Variants in OGFOD3 observed in about 807,000 individuals in gnomAD.
The protein encoded by OGFOD3 is 2-oxoglutarate and iron-dependent oxygenase domain-containing protein 3.
A neutral mutation model predicts 39.8 loss-of-function variants in OGFOD3; 35 were observed. The ratio of observed to expected loss-of-function variants is 0.88; its 90% CI spans 0.67 to 1.17. The LOEUF (loss-of-function observed/expected upper bound fraction) is 1.17, where lower values mean the gene tolerates loss of function less well. OGFOD3 is among the 50% of genes most tolerant of loss of function. The pLI is 0.00. For missense variants in OGFOD3, 438 were observed against 454.5 expected (o/e 0.96, Z 0.33); for synonymous variants, 200 against 192.0 (o/e 1.04, Z -0.34).
In OGFOD3 at chr17:82,404,510, G is replaced by A. The variant is rs891683851; in HGVS notation, c.546-420C>T. 1.3e-5 allele frequency among the ~76,000 whole-genome samples: 2 copies of A among 152,018 alleles called. No homozygotes were observed. The highest frequency in any genetic ancestry group is 2.1e-4 in the South Asian group (1 of 4,834). Reference sequence around the variant, plus strand: ...ACGTGGGGAGAGGGGAGTGGGTGTCGAGCCTGCTAAGTGTGGATGGGGTGT... The same window carrying A: ...ACGTGGGGAGAGGGGAGTGGGTGTCAAGCCTGCTAAGTGTGGATGGGGTGT... On this transcript the variant is annotated intron_variant, in intron 6 of 8. Coordinates refer to ENST00000313056, the MANE Select transcript of OGFOD3 (RefSeq NM_024648.3). The surrounding 1 kb of genome is among the most constrained non-coding windows in gnomAD (Gnocchi z 4.5).
intron 2 of OGFOD3, among the ~76,000 whole-genome samples, chr17:82,413,571 T>C (rs566189157): frequency 6.6e-6 from 1 of 152,140 alleles, no homozygotes; most frequent in East Asian, 1.9e-4. Context: ...TAAAAAACAA[T>C]AATAATAAAA....
At chr17:82,393,434 T>G (rs971106154) in intron 8 of OGFOD3, 1 of 152,236 alleles carries the variant, frequency 6.6e-6, no homozygotes, top group Admixed American at 6.5e-5. Flanking sequence ...AGGGAGTCAG[T>G]TGCACTGTGC....
In OGFOD3 at chr17:82,418,538, G is replaced by T; in HGVS notation, c.-53C>A. On this transcript the variant is annotated 5_prime_UTR_variant, in exon 1 of 9. Transcript: ENST00000313056. The stretch of plus-strand genomic sequence containing the variant: ...GGACGCGGGCGCCAGGCCCGGGGAC[G>T]AACGCCGTAACAGGGAGCGCGAGGC... 2 of 1,095,880 alleles carry T rather than the reference G, an allele frequency of 1.8e-6. No individual in the cohort carries two copies. Among genetic ancestry groups the T allele is most frequent in the East Asian group, 3.4e-5 (1 of 29,324 alleles). 67.9% of individuals were successfully genotyped at this position (1,095,880 alleles called of 1,614,324 possible). A position where few individuals can be genotyped will look rare whatever the true frequency, so the allele number is the denominator to read the frequency against.
At chr17:82,393,228 T>C (rs7208956) in intron 8 of OGFOD3, 82,767 of 152,156 alleles carry the variant, frequency 0.54, 22,671 homozygotes, top group South Asian at 0.7. Flanking sequence ...CGTCACCAAG[T>C]GGGAAGCAAG....
chr17:82,411,577 C>T (rs976271327), intron 2 of OGFOD3, 47 bp from the exon 3 acceptor site: 11 of 1,516,456 alleles, frequency 7.3e-6, no homozygotes, highest in Non-Finnish European at 7.3e-6. Flanking sequence ...AGGCCACCGG[C>T]GCATGCCCTT....
At position 82,392,754 on chromosome 17, in the gene OGFOD3, C is replaced by T; in HGVS notation, c.824-220G>A. On this transcript the variant is annotated intron_variant, in intron 8 of 8. Coordinates refer to ENST00000313056, the MANE Select transcript of OGFOD3 (RefSeq NM_024648.3). The surrounding 1 kb of genome is among the most constrained non-coding windows in gnomAD (Gnocchi z 4.2). ...GGCCCTGTGGCGGAGGAGGGGCCCC[C>T]CGGGGCCAGCAGGGACTCTGTGGTG... 3.4e-6 allele frequency: 2 copies of T among 595,832 alleles called. No individual in the cohort carries two copies. Among genetic ancestry groups the T allele is most frequent in the Non-Finnish European group, 5.8e-6 (2 of 343,982 alleles). The allele number at this position is 595,832 out of a possible 1,614,324, so 36.9% of individuals were successfully genotyped here. A position where few individuals can be genotyped will look rare whatever the true frequency, so the allele number is the denominator to read the frequency against.
chr17:82,406,359 G>A lies in OGFOD3; in HGVS notation c.488+59C>T. 1 of 1,478,916 alleles carries A rather than the reference G, an allele frequency of 6.8e-7. No homozygotes were observed. Among genetic ancestry groups the A allele is most frequent in the Non-Finnish European group, 9.4e-7 (1 of 1,058,964 alleles). 91.6% of individuals were successfully genotyped at this position (1,478,916 alleles called of 1,614,324 possible). ...GTGTCCACATGTCCATGGCTAAGAG[G>A]CACGGAGCCGCTCACTCGGCTTTCA... On this transcript the variant is annotated intron_variant, in intron 5 of 8. Transcript: ENST00000313056. This position sits in a 1 kb window ranked among gnomAD's most constrained non-coding sequence, Gnocchi z 5.2.
intron 3 of OGFOD3, among the ~76,000 whole-genome samples, chr17:82,410,700 G>T (rs2052927525): frequency 1.4e-5 from 2 of 142,714 alleles, no homozygotes; most frequent in Non-Finnish European, 3.0e-5. Context: ...GCCCTTGAAA[G>T]CACATAATTC....
chr17:82,396,166 C>T (rs1334568954), intron 8 of OGFOD3, among the ~76,000 whole-genome samples: 3 of 149,630 alleles, frequency 2.0e-5, no homozygotes, highest in Non-Finnish European at 3.0e-5. Flanking sequence ...GACATCAAAT[C>T]GCAGGTAAAC....
At position 82,415,728 on chromosome 17, in the gene OGFOD3, C is replaced by A; in HGVS notation, c.75-101G>T. 9.7e-7 allele frequency: 1 copy of A among 1,033,170 alleles called. No individual in the cohort carries two copies. Among genetic ancestry groups the A allele is most frequent in the Non-Finnish European group, 1.4e-6 (1 of 720,576 alleles). The allele number at this position is 1,033,170 out of a possible 1,614,324, so 64.0% of individuals were successfully genotyped here. ...CATGCACCATGACCCGGCCTTCACT[C>A]ACACGTCACCCCTGAAACGAGGGCT... is the stretch of plus-strand genomic sequence containing the variant. On this transcript the variant is annotated intron_variant, in intron 1 of 8. Transcript: ENST00000313056. The surrounding 1 kb of genome is among the most constrained non-coding windows in gnomAD (Gnocchi z 5.3).
chr17:82,392,455 G>A lies in OGFOD3; in HGVS notation c.903C>T (p.Ile301=), dbSNP rs11903. The part of the protein sequence containing the change: ...EKVHWGTRYA[I]TIAFSCNPDH... ...CGGGGTTGCAGCTGAAGGCGATGGTGATGGCGTAACGGGTGCCCCAGTGGA... is the reference window on the plus strand; with the variant it reads ...CGGGGTTGCAGCTGAAGGCGATGGTAATGGCGTAACGGGTGCCCCAGTGGA... The change falls in exon 9 of 9, where the codon ATC becomes ATT. Residue 301 remains isoleucine, a synonymous_variant. Transcript: ENST00000313056. This position sits in a 1 kb window ranked among gnomAD's most constrained non-coding sequence, Gnocchi z 4.2. The A allele has an allele frequency of 0.22, 357,774 of 1,611,428 alleles. 43,644 individuals are homozygous for A. Among genetic ancestry groups the A allele is most frequent in the South Asian group, 0.4 (36,514 of 90,528 alleles).
chr17:82,398,081 G>T, intron 8 of OGFOD3, 115 bp downstream of exon 8: 1 of 1,325,864 alleles, frequency 7.5e-7, no homozygotes, highest in Non-Finnish European at 1.1e-6. Flanking sequence ...GCACCGGCCC[G>T]GCACACAGCA....
At chr17:82,398,108 A>C (rs1158019561) in intron 8 of OGFOD3, 88 bp downstream of exon 8, 12 of 1,522,286 alleles carry the variant, frequency 7.9e-6, no homozygotes, top group Non-Finnish European at 1.1e-5. Flanking sequence ...CCGTGAACTC[A>C]GCCTCGCTCC....
chr17:82,408,565 C>A (rs2052893089), intron 4 of OGFOD3, among the ~76,000 whole-genome samples: 1 of 151,292 alleles, frequency 6.6e-6, no homozygotes, highest in Admixed American at 6.7e-5. Context: ...AGTTCTAGAG[C>A]CCAGGAGTCT....
At position 82,415,687 on chromosome 17, in the gene OGFOD3, CCCGA is replaced by C; in HGVS notation, c.75-64_75-61del. 1 of 1,433,028 alleles carries C rather than the reference CCCGA, an allele frequency of 7.0e-7. No homozygotes were observed. Among genetic ancestry groups the C allele is most frequent in the Non-Finnish European group, 9.5e-7 (1 of 1,053,798 alleles). The allele number at this position is 1,433,028 out of a possible 1,614,324, so 88.8% of individuals were successfully genotyped here. On this transcript the variant is annotated intron_variant, in intron 1 of 8. Coordinates refer to ENST00000313056, the MANE Select transcript of OGFOD3 (RefSeq NM_024648.3). The surrounding 1 kb of genome is among the most constrained non-coding windows in gnomAD (Gnocchi z 5.3). ...CGGAGTGAGGCCAGAGAAAACGCTC[CCCGA>C]TCATCAAAGTGCATGCACCATGACC...
chr17:82,404,333 G>A lies in OGFOD3; in HGVS notation c.546-243C>T, dbSNP rs1390576645. 6.6e-6 allele frequency among the ~76,000 whole-genome samples: 1 copy of A among 152,214 alleles called. No individual in the cohort carries two copies. The highest frequency in any genetic ancestry group is 1.5e-5 in the Non-Finnish European group (1 of 68,036). On this transcript the variant is annotated intron_variant, in intron 6 of 8. Transcript: ENST00000313056. This position sits in a 1 kb window ranked among gnomAD's most constrained non-coding sequence, Gnocchi z 4.5. ...AGCAGCAGGACTGGGGAGGCAGAAG[G>A]GGGCCTGCAGGACCAACGCTGGGGA... is the stretch of plus-strand genomic sequence containing the variant.
Position 82,406,566 on chromosome 17 carries a change from C to G in OGFOD3, c.424-84G>C. On this transcript the variant is annotated intron_variant, in intron 4 of 8. Coordinates refer to ENST00000313056, the MANE Select transcript of OGFOD3 (RefSeq NM_024648.3). This position sits in a 1 kb window ranked among gnomAD's most constrained non-coding sequence, Gnocchi z 5.2. ...AGTCATGGATGGTAAATGCGAGTTTCCAAGGTCTGGCCAGCACACACCTCA... is the reference window on the plus strand; with the variant it reads ...AGTCATGGATGGTAAATGCGAGTTTGCAAGGTCTGGCCAGCACACACCTCA... The G allele has an allele frequency of 8.3e-7, 1 of 1,198,508 alleles. No homozygotes were observed. The highest frequency in any genetic ancestry group is 1.2e-5 in the South Asian group (1 of 81,620). 74.2% of individuals were successfully genotyped at this position (1,198,508 alleles called of 1,614,324 possible).
At chr17:82,409,450 T>G in intron 3 of OGFOD3, 40 bp from the exon 4 acceptor site, 1 of 1,592,460 alleles carries the variant, frequency 6.3e-7, no homozygotes, top group Non-Finnish European at 8.6e-7. Context: ...TTGCTAGAAT[T>G]GTCTATAATG....
rs943719594 is a variant in OGFOD3, at chr17:82,391,983, G to A, written c.*415C>T. ...TGCGGTTTGCTGATGCCGAGACCCC[G>A]AACAGAAGCTGCTGGCCCCACGTTT... On this transcript the variant is annotated 3_prime_UTR_variant, in exon 9 of 9. Transcript: ENST00000313056. This position sits in a 1 kb window ranked among gnomAD's most constrained non-coding sequence, Gnocchi z 5.1. 2 of 174,810 alleles carry A rather than the reference G, an allele frequency of 1.1e-5. No homozygotes were observed. The highest frequency in any genetic ancestry group is 2.4e-5 in the Non-Finnish European group (2 of 83,236). 10.8% of individuals were successfully genotyped at this position (174,810 alleles called of 1,614,324 possible). A position where few individuals can be genotyped will look rare whatever the true frequency, so the allele number is the denominator to read the frequency against.
Sources: allele counts gnomAD v4.1 joint callset (sites outside exome capture counted in the v4.1 genomes callset), GRCh38; gene constraint gnomAD v4.1.1; non-coding constraint Gnocchi (gnomAD v3.1); transcripts MANE v1.5; gene names NCBI Gene and HGNC (gene_info 2026-07-23, HGNC 2026-07-21).